REEP3: variants seen among roughly 807,000 people sequenced by gnomAD.
REEP3 encodes receptor accessory protein 3.
Under a neutral mutation model 41.3 loss-of-function variants are expected in REEP3, and 20 were observed. The ratio of observed to expected loss-of-function variants is 0.48; its 90% CI spans 0.34 to 0.70. The LOEUF (loss-of-function observed/expected upper bound fraction) is 0.70. Among genes scored for constraint, REEP3 ranks in the 30% least tolerant of loss-of-function variants. REEP3 has a pLI of 0.01. For missense variants in REEP3, 271 were observed against 308.8 expected (o/e 0.88, Z 0.92); for synonymous variants, 104 against 101.8 (o/e 1.02, Z -0.13).
chr10:63,573,758 A>G (rs1332130952), intron 2 of REEP3, among the ~76,000 whole-genome samples: 1 of 152,210 alleles, frequency 6.6e-6, no homozygotes. Flanking sequence ...TGGAAATAGA[A>G]GGGGAAAAAC....
intron 2 of REEP3, among the ~76,000 whole-genome samples, chr10:63,571,410 C>T (rs1180143945): frequency 1.3e-5 from 2 of 152,154 alleles, no homozygotes; most frequent in Non-Finnish European, 2.9e-5. Flanking sequence ...CTGTCTACTC[C>T]AGCTTCTACA....
At chr10:63,599,477 A>G (rs906739314) in intron 5 of REEP3, among the ~76,000 whole-genome samples, 194 bp downstream of exon 5, 4 of 152,248 alleles carry the variant, frequency 2.6e-5, no homozygotes, top group African/African-American at 7.2e-5. Context: ...CTCTTAATTC[A>G]TCACAAAATG....
At chr10:63,585,039 A>G (rs1010587658) in intron 2 of REEP3, among the ~76,000 whole-genome samples, 1 of 152,248 alleles carries the variant, frequency 6.6e-6, no homozygotes, top group African/African-American at 2.4e-5. Context: ...TGTAATTAAG[A>G]GAGTTTGAAG....
At chr10:63,585,941 C>CTTACTT (rs1158852944) in intron 2 of REEP3, among the ~76,000 whole-genome samples, 1 of 151,998 alleles carries the variant, frequency 6.6e-6, no homozygotes, top group Non-Finnish European at 1.5e-5. Context: ...TTTTTGTTTG[C>CTTACTT]TTTATTTGTT....
intron 1 of REEP3, among the ~76,000 whole-genome samples, chr10:63,562,138 A>G (rs1258030384): frequency 6.6e-6 from 1 of 152,108 alleles, no homozygotes; most frequent in Non-Finnish European, 1.5e-5. Context: ...TGGGGGTGCT[A>G]AGTTAAATTG....
intron 1 of REEP3, among the ~76,000 whole-genome samples, chr10:63,551,858 ATAT>A (rs1207083182): frequency 6.6e-6 from 1 of 152,136 alleles, no homozygotes; most frequent in Non-Finnish European, 1.5e-5. Flanking sequence ...TAATAACGAT[ATAT>A]TATTATTAGT....
chr10:63,540,391 C>G (rs762138984), intron 1 of REEP3, among the ~76,000 whole-genome samples: 6 of 152,294 alleles, frequency 3.9e-5, no homozygotes, highest in Non-Finnish European at 5.9e-5. Context: ...TAAAATTTGT[C>G]AGTGTGGAGC....
intron 1 of REEP3, among the ~76,000 whole-genome samples, chr10:63,536,343 A>G (rs560466719): frequency 6.6e-6 from 1 of 152,340 alleles, no homozygotes; most frequent in East Asian, 1.9e-4. Flanking sequence ...ATCAAGATTC[A>G]GTTATTATCC....
At chr10:63,592,220 T>C (rs1956070741) in intron 2 of REEP3, among the ~76,000 whole-genome samples, 1 of 152,136 alleles carries the variant, frequency 6.6e-6, no homozygotes, top group Non-Finnish European at 1.5e-5. Flanking sequence ...GGCTTCAAGG[T>C]GGACTGTTCC....
rs1316901347 is a variant in REEP3, at chr10:63,623,309, T to C, written c.*2440T>C. On this transcript the variant is annotated 3_prime_UTR_variant, in exon 8 of 8. Transcript: ENST00000373758. ...TGTACATGTGTTTTAGCGGGGCCCT[T>C]TTCTTTGAACTTTGTCTAATTAGCC... 1 of 152,192 alleles carries C rather than the reference T, an allele frequency of 6.6e-6. No individual in the cohort carries two copies. The highest frequency in any genetic ancestry group is 2.4e-5 in the African/African-American group (1 of 41,464). 9.4% of individuals were successfully genotyped at this position (152,192 alleles called of 1,614,324 possible).
chr10:63,577,094 G>C (rs763270527), intron 2 of REEP3, among the ~76,000 whole-genome samples: 7 of 152,030 alleles, frequency 4.6e-5, no homozygotes, highest in Non-Finnish European at 8.8e-5. Context: ...ATATCTTTAG[G>C]TATTTTCTCT....
At chr10:63,620,467 A>T (rs557684886) in intron 7 of REEP3, among the ~76,000 whole-genome samples, 203 of 152,368 alleles carry the variant, frequency 1.3e-3, no homozygotes, top group Non-Finnish European at 1.9e-3. Context: ...AATAGTAAAC[A>T]GTTAACCATA....
intron 5 of REEP3, among the ~76,000 whole-genome samples, chr10:63,608,765 A>T (rs904993647): frequency 7.9e-5 from 12 of 152,206 alleles, no homozygotes; most frequent in African/African-American, 2.4e-4. Flanking sequence ...ATACATGAAC[A>T]GTTCAGAAAA....
At chr10:63,613,846 TA>T (rs1188343001) in intron 6 of REEP3, among the ~76,000 whole-genome samples, 2 of 152,112 alleles carry the variant, frequency 1.3e-5, no homozygotes, top group African/African-American at 2.4e-5. Flanking sequence ...GATTTAAGTA[TA>T]AAAAAATTAA....
intron 1 of REEP3, among the ~76,000 whole-genome samples, chr10:63,551,182 A>C (rs971081001): frequency 2.0e-5 from 3 of 152,216 alleles, no homozygotes; most frequent in African/African-American, 7.2e-5. Flanking sequence ...TTGTAGTGCC[A>C]GAAAGTAAAG....
chr10:63,532,526 T>G (rs1016686169), intron 1 of REEP3, among the ~76,000 whole-genome samples: 59 of 151,992 alleles, frequency 3.9e-4, no homozygotes, highest in African/African-American at 1.4e-3. Flanking sequence ...TCCGGGCGTG[T>G]TGGCGGGCGC....
At chr10:63,542,920 G>A (rs934674432) in intron 1 of REEP3, among the ~76,000 whole-genome samples, 1 of 152,160 alleles carries the variant, frequency 6.6e-6, no homozygotes, top group Non-Finnish European at 1.5e-5. Context: ...GGATGCCACA[G>A]GTATCATCAG....
At chr10:63,562,697 T>C in intron 1 of REEP3, 1 of 404,264 alleles carries the variant, frequency 2.5e-6, no homozygotes, top group Non-Finnish European at 4.9e-6. Flanking sequence ...TACTGCCCTC[T>C]GCAGCAATCA....
chr10:63,575,551 G>C (rs1955890835), intron 2 of REEP3, among the ~76,000 whole-genome samples: 1 of 151,536 alleles, frequency 6.6e-6, no homozygotes, highest in African/African-American at 2.4e-5. Flanking sequence ...CACTTGGACT[G>C]GTTTTCCAAT....
Sources: gnomAD v4.1 joint callset for allele counts (sites outside exome capture counted in the v4.1 genomes callset) on GRCh38, gnomAD v4.1.1 for gene constraint, MANE v1.5 for transcripts, NCBI Gene and HGNC (gene_info 2026-07-23, HGNC 2026-07-21) for gene names.